Variants in PDE1C observed in about 807,000 individuals in gnomAD.
PDE1C encodes the protein dual specificity calcium/calmodulin-dependent 3',5'-cyclic nucleotide phosphodiesterase 1C.
A neutral mutation model predicts 93.1 loss-of-function variants in PDE1C; 62 were observed. That is an observed-to-expected ratio of 0.67 (90% CI 0.54 to 0.82). The LOEUF is 0.82. PDE1C is among the 40% of genes least tolerant of loss of function. PDE1C has a pLI of 0.00. For missense variants in PDE1C, 742 were observed against 884.6 expected (o/e 0.84, Z 2.04); for synonymous variants, 325 against 310.1 (o/e 1.05, Z -0.50).
intron 14 of PDE1C, among the ~76,000 whole-genome samples, chr7:31,821,750 T>C (rs766290404): frequency 6.6e-6 from 1 of 152,074 alleles, no homozygotes; most frequent in African/African-American, 2.4e-5. Context: ...TTGAACAGAA[T>C]TTTATGGACA....
At chr7:32,238,183 T>C (rs1585010564) in intron 1 of PDE1C, among the ~76,000 whole-genome samples, 1 of 152,194 alleles carries the variant, frequency 6.6e-6, no homozygotes, top group African/African-American at 2.4e-5. Context: ...AAAATCTATA[T>C]TGTGTTCCTT....
rs148829271 is a variant in PDE1C at position 31,975,831 on chromosome 7, G to A, written c.128+75723C>T. Among the ~76,000 whole-genome samples, 478 of 152,228 alleles carry A rather than the reference G, an allele frequency of 3.1e-3. 4 individuals are homozygous for A. Among genetic ancestry groups the A allele is most frequent in the African/African-American group, 0.011 (449 of 41,538 alleles). ...ACTTCCTTACTTAGGTTGTTGGTTC[G>A]ATAATTGATATTACTGAATACCAGA... On this transcript the variant is annotated intron_variant, in intron 2 of 17. Transcript: ENST00000396191.
At chr7:31,696,865 T>C in the PDE1C span, 1 of 1,340,730 alleles carries the variant, frequency 7.5e-7, no homozygotes, top group Non-Finnish European at 1.0e-6. Flanking sequence ...GAAAGCTATA[T>C]TGACTGTCTT....
At chr7:31,968,106 C>T (rs540468746) in intron 2 of PDE1C, among the ~76,000 whole-genome samples, 206 of 152,120 alleles carry the variant, frequency 1.4e-3, no homozygotes, top group Admixed American at 2.5e-3. Flanking sequence ...AAGTTCTGGC[C>T]AGGGCAATCA....
At chr7:32,283,815 C>A (rs1417726732) in intron 1 of PDE1C, among the ~76,000 whole-genome samples, 1 of 152,194 alleles carries the variant, frequency 6.6e-6, no homozygotes, top group Non-Finnish European at 1.5e-5. Flanking sequence ...CTACAAGTTT[C>A]CCTTCATCAC....
intron 1 of PDE1C, among the ~76,000 whole-genome samples, chr7:32,271,965 G>A (rs1474737461): frequency 1.3e-5 from 2 of 152,178 alleles, no homozygotes; most frequent in East Asian, 1.9e-4. Flanking sequence ...CTGCCATTGG[G>A]TTAGTTACAA....
intron 1 of PDE1C, among the ~76,000 whole-genome samples, chr7:32,374,061 G>C (rs1442803335): frequency 8.3e-6 from 1 of 121,056 alleles, no homozygotes; most frequent in Non-Finnish European, 1.7e-5. Context: ...AAGGGAGGTA[G>C]GCAGGAAAGA....
chr7:32,180,731 T>A (rs1284553042), intron 2 of PDE1C, among the ~76,000 whole-genome samples: 2 of 152,230 alleles, frequency 1.3e-5, no homozygotes, highest in African/African-American at 2.4e-5. Context: ...TTGGCAGATA[T>A]AAGTGCAGAA....
chr7:31,864,529 A>G (rs1007788439), intron 7 of PDE1C, among the ~76,000 whole-genome samples: 2 of 152,244 alleles, frequency 1.3e-5, no homozygotes, highest in Non-Finnish European at 2.9e-5. Context: ...AAAAAGACTT[A>G]GTGGCTTAAA....
At chr7:31,660,235 T>C in the PDE1C span, among the ~76,000 whole-genome samples, 1 of 152,212 alleles carries the variant, frequency 6.6e-6, no homozygotes, top group Non-Finnish European at 1.5e-5. Context: ...AACGGACTAA[T>C]ACACTAGCCC....
chr7:32,130,683 G>A (rs534395286), intron 3 of PDE1C, among the ~76,000 whole-genome samples: 3 of 152,100 alleles, frequency 2.0e-5, no homozygotes, highest in African/African-American at 4.8e-5. Context: ...CTAGCCAGCA[G>A]GGAAACAGAC....
chr7:31,786,367 A>G (rs1783940622), intron 16 of PDE1C: 1 of 151,396 alleles, frequency 6.6e-6, no homozygotes, highest in East Asian at 1.9e-4. Context: ...AAATTTGGCT[A>G]TGACAATTTC....
intron 2 of PDE1C, among the ~76,000 whole-genome samples, chr7:32,028,987 T>C (rs954792766): frequency 2.0e-5 from 3 of 152,052 alleles, no homozygotes; most frequent in African/African-American, 4.8e-5. Flanking sequence ...TTGCAAGCCA[T>C]ACATCAGATA....
chr7:32,029,634 G>A (rs1790005844), intron 2 of PDE1C, among the ~76,000 whole-genome samples: 1 of 151,984 alleles, frequency 6.6e-6, no homozygotes, highest in Non-Finnish European at 1.5e-5. Flanking sequence ...TATCACAGCA[G>A]GTCATAGAAA....
At chr7:31,666,794 AT>A in the PDE1C span, among the ~76,000 whole-genome samples, 3,279 of 150,030 alleles carry the variant, frequency 0.022, 108 homozygotes, top group African/African-American at 0.074. Context: ...CCAGCCCCCC[AT>A]TTTTTTTTGT....
chr7:31,661,815 T>G, the PDE1C span, among the ~76,000 whole-genome samples: 1 of 152,192 alleles, frequency 6.6e-6, no homozygotes. Context: ...CTTCATTACT[T>G]CATTAATTTA....
chr7:32,275,116 G>A (rs1015386157), intron 1 of PDE1C, among the ~76,000 whole-genome samples: 1 of 152,092 alleles, frequency 6.6e-6, no homozygotes, highest in Non-Finnish European at 1.5e-5. Flanking sequence ...GCATATCTAG[G>A]ACTAAAACCC....
intron 1 of PDE1C, among the ~76,000 whole-genome samples, chr7:32,320,813 C>T (rs1210496301): frequency 1.3e-5 from 2 of 152,218 alleles, no homozygotes; most frequent in Admixed American, 6.5e-5. Flanking sequence ...TTATTGAGCA[C>T]CTACTAAGCC....
intron 16 of PDE1C, chr7:31,787,349 T>C (rs1381447530): frequency 6.6e-6 from 1 of 152,188 alleles, no homozygotes; most frequent in Admixed American, 6.5e-5. Flanking sequence ...AGAAAGTCCA[T>C]TTGAATTTAA....
Sources: allele counts gnomAD v4.1 joint callset (sites outside exome capture counted in the v4.1 genomes callset), GRCh38; gene constraint gnomAD v4.1.1; transcripts MANE v1.5; gene names NCBI Gene and HGNC (gene_info 2026-07-23, HGNC 2026-07-21).